Variants in NHSL1 observed in about 807,000 individuals in gnomAD.
NHSL1 encodes the protein NHS-like protein 1.
Under a neutral mutation model 95.0 loss-of-function variants are expected in NHSL1, and 48 were observed. The observed-to-expected ratio is 0.51, with a 90% CI of 0.40 to 0.64. The LOEUF is 0.64. Ranked by LOEUF, NHSL1 falls within the 30% of genes least tolerant of loss-of-function variation. The pLI, the probability that NHSL1 is intolerant of heterozygous loss-of-function variation, is 0.00. For missense variants in NHSL1, 1,971 were observed against 2,077.7 expected (o/e 0.95, Z 1.00); for synonymous variants, 783 against 833.9 (o/e 0.94, Z 1.05).
intron 7 of NHSL1, among the ~76,000 whole-genome samples, chr6:138,425,692 C>G (rs1401219916): frequency 1.9e-4 from 29 of 152,114 alleles, no homozygotes; most frequent in Admixed American, 1.9e-3. Flanking sequence ...TTGTTCCATG[C>G]CAGAATATCC....
At chr6:138,650,380 C>G in intron 1 of NHSL1, 1 of 1,399,986 alleles carries the variant, frequency 7.1e-7, no homozygotes, top group South Asian at 1.2e-5. Flanking sequence ...CAGTTGTTCA[C>G]AGCCATGAGG....
chr6:138,515,032 T>C (rs1466436159), intron 1 of NHSL1, among the ~76,000 whole-genome samples: 1 of 151,902 alleles, frequency 6.6e-6, no homozygotes, highest in Non-Finnish European at 1.5e-5. Context: ...ACAGATCTGA[T>C]AACTGTGACT....
At chr6:138,589,476 G>A (rs919729419) in intron 1 of NHSL1, among the ~76,000 whole-genome samples, 1 of 152,178 alleles carries the variant, frequency 6.6e-6, no homozygotes, top group Admixed American at 6.5e-5. Flanking sequence ...CAGGTGAGGA[G>A]TCACCTTCCA....
chr6:138,605,061 G>A (rs2050307471), intron 1 of NHSL1, among the ~76,000 whole-genome samples: 1 of 152,134 alleles, frequency 6.6e-6, no homozygotes, highest in African/African-American at 2.4e-5. Flanking sequence ...TGCCAAAATA[G>A]TACAGAGATT....
At chr6:138,646,980 T>TTC (rs1352104454) in intron 1 of NHSL1, among the ~76,000 whole-genome samples, 1 of 152,218 alleles carries the variant, frequency 6.6e-6, no homozygotes, top group Non-Finnish European at 1.5e-5. Flanking sequence ...GTGAATGTTG[T>TTC]TCTTCATGTG....
At chr6:138,577,833 C>G (rs186215048) in intron 1 of NHSL1, among the ~76,000 whole-genome samples, 14 of 152,160 alleles carry the variant, frequency 9.2e-5, no homozygotes, top group Middle Eastern at 6.8e-3. Context: ...ATACTTTGAG[C>G]CAGATATTTA....
At chr6:138,666,120 A>G (rs1785290970) in intron 1 of NHSL1, among the ~76,000 whole-genome samples, 1 of 152,024 alleles carries the variant, frequency 6.6e-6, no homozygotes, top group South Asian at 2.1e-4. Context: ...CCTGACCAAC[A>G]TGGAGAAACC....
At chr6:138,658,881 A>G (rs1414533488) in intron 1 of NHSL1, among the ~76,000 whole-genome samples, 1 of 152,114 alleles carries the variant, frequency 6.6e-6, no homozygotes, top group East Asian at 1.9e-4. Flanking sequence ...TTTTAAATGT[A>G]TAGTTGTACC....
At chr6:138,449,657 C>T (rs568645828) in intron 3 of NHSL1, among the ~76,000 whole-genome samples, 1 of 149,654 alleles carries the variant, frequency 6.7e-6, no homozygotes, top group Non-Finnish European at 1.5e-5. Flanking sequence ...AGCCTGGCAA[C>T]AGATCGAGAC....
chr6:138,546,483 C>G (rs1782806997), upstream of NHSL1, among the ~76,000 whole-genome samples: 1 of 146,456 alleles, frequency 6.8e-6, no homozygotes, highest in Non-Finnish European at 1.5e-5. Context: ...GTGGCATGCA[C>G]CTGTGGTCCC....
chr6:138,557,783 T>C (rs1297456470), intron 1 of NHSL1, among the ~76,000 whole-genome samples: 1 of 152,182 alleles, frequency 6.6e-6, no homozygotes, highest in African/African-American at 2.4e-5. Flanking sequence ...CAGGCAAGTC[T>C]TAATATTGCA....
chr6:138,514,909 C>T (rs1420479707), intron 1 of NHSL1, among the ~76,000 whole-genome samples: 1 of 152,194 alleles, frequency 6.6e-6, no homozygotes, highest in Admixed American at 6.5e-5. Flanking sequence ...GGCGACAACA[C>T]AAGACCCTGT....
At chr6:138,543,951 A>G (rs1244788043) in intron 1 of NHSL1, among the ~76,000 whole-genome samples, 1 of 152,214 alleles carries the variant, frequency 6.6e-6, no homozygotes, top group African/African-American at 2.4e-5. Flanking sequence ...TTGTCATCAC[A>G]TGCCATACGT....
chr6:138,692,061 G>A lies in NHSL1; in HGVS notation c.96+415C>T, dbSNP rs1318918091. The A allele has an allele frequency of 2.6e-5, 12 of 456,568 alleles. No homozygotes were observed. The highest frequency in any genetic ancestry group is 1.4e-4 in the Admixed American group (6 of 42,560). The allele number at this position is 456,568 out of a possible 1,614,324, so 28.3% of individuals were successfully genotyped here. Reference sequence around the variant, plus strand: ...GGATCGTCCTGAAGTCTCCAAAACTGTAACTACTATATGCCCAAATTTATA... The same window carrying A: ...GGATCGTCCTGAAGTCTCCAAAACTATAACTACTATATGCCCAAATTTATA... On this transcript the variant is annotated intron_variant, in intron 1 of 3. Coordinates refer to the NHSL1 transcript ENST00000491526. This position sits in a 1 kb window ranked among gnomAD's most constrained non-coding sequence, Gnocchi z 4.0.
chr6:138,592,545 T>C (rs1784244968), intron 1 of NHSL1, among the ~76,000 whole-genome samples: 1 of 152,124 alleles, frequency 6.6e-6, no homozygotes, highest in African/African-American at 2.4e-5. Flanking sequence ...GAGGCTGCAG[T>C]GAGCCAAGAT....
chr6:138,432,658 C>A lies in NHSL1; in HGVS notation c.1687G>T (p.Ala563Ser). The A allele has an allele frequency of 6.4e-7, 1 of 1,551,684 alleles. No homozygotes were observed. The highest frequency in any genetic ancestry group is 1.4e-5 in the African/African-American group (1 of 73,132). The change falls in exon 6 of 8, where the codon GCA becomes TCA. Residue 563 changes from alanine to serine, a missense_variant. Ala to Ser is a moderately conservative substitution (Grantham distance 99). Around this residue, in one of 3 missense-constraint regions of NHSL1, gnomAD observed 1,602 missense variants for 1,654.5 expected, o/e 0.97. Coordinates refer to ENST00000343505, the MANE Select transcript of NHSL1 (RefSeq NM_001144060.2). This position sits in a 1 kb window ranked among gnomAD's most constrained non-coding sequence, Gnocchi z 4.4. The part of the protein sequence containing the change: ...WEYKSSGNGR[A>S]SPLKPHLATP... ...GCTAAATGCGGCTTCAGGGGGGATG[C>A]CCTTCCATTACCTGAGGATTTGTAT...
intron 1 of NHSL1, among the ~76,000 whole-genome samples, chr6:138,519,956 G>A (rs762018931): frequency 2.6e-5 from 4 of 152,112 alleles, no homozygotes; most frequent in Admixed American, 1.3e-4. Context: ...CCTTTTTCAC[G>A]TTTTATACTT....
intron 1 of NHSL1, among the ~76,000 whole-genome samples, chr6:138,615,556 C>T (rs565245555): frequency 2.0e-5 from 3 of 152,326 alleles, no homozygotes; most frequent in East Asian, 1.9e-4. Context: ...CTGCAACCTC[C>T]GCCTCCCAGG....
At chr6:138,686,472 G>C (rs575246224) in intron 1 of NHSL1, among the ~76,000 whole-genome samples, 27 of 152,190 alleles carry the variant, frequency 1.8e-4, no homozygotes, top group Non-Finnish European at 3.8e-4. Context: ...GCAACAGCCA[G>C]ATCCTGTCTA....
Sources: allele counts gnomAD v4.1 joint callset (sites outside exome capture counted in the v4.1 genomes callset), GRCh38; gene constraint gnomAD v4.1.1; regional missense constraint gnomAD v4.1.1; non-coding constraint Gnocchi (gnomAD v3.1); transcripts MANE v1.5; gene names NCBI Gene and HGNC (gene_info 2026-07-23, HGNC 2026-07-21).